HLCS: variants seen among roughly 807,000 people sequenced by gnomAD.
The protein encoded by HLCS is biotin--protein ligase.
In HLCS, 53 loss-of-function variants were observed where a neutral mutation model predicts 75.0. That is an observed-to-expected ratio of 0.71 (90% CI 0.57 to 0.89). The LOEUF (loss-of-function observed/expected upper bound fraction) is 0.89. HLCS is among the 40% of genes least tolerant of loss of function. The pLI is 0.00. For synonymous variants in HLCS, 431 were observed against 428.6 expected (o/e 1.01, Z -0.07); for missense variants, 966 against 1,074.0 (o/e 0.90, Z 1.41).
chr21:36,820,469 C>T (rs1353187459), intron 6 of HLCS, among the ~76,000 whole-genome samples: 4 of 152,266 alleles, frequency 2.6e-5, no homozygotes, highest in Non-Finnish European at 5.9e-5. Flanking sequence ...AGGGCCTGTC[C>T]CTGCTCCCGG....
intron 2 of HLCS, among the ~76,000 whole-genome samples, chr21:36,959,639 C>G (rs890287861): frequency 6.6e-6 from 1 of 152,150 alleles, no homozygotes; most frequent in Non-Finnish European, 1.5e-5. Flanking sequence ...GACCAATCAG[C>G]ACGCGCTTCC....
chr21:36,912,142 C>T (rs909674336), intron 5 of HLCS, among the ~76,000 whole-genome samples: 1 of 151,700 alleles, frequency 6.6e-6, no homozygotes, highest in African/African-American at 2.4e-5. Flanking sequence ...GGTATAAACC[C>T]AAAAGAACTG....
In HLCS at chr21:36,754,090, C is replaced by G; in HGVS notation, c.*156G>C. The G allele has an allele frequency of 4.7e-6, 4 of 854,454 alleles. No homozygotes were observed. Among genetic ancestry groups the G allele is most frequent in the Non-Finnish European group, 7.2e-6 (4 of 552,232 alleles). 52.9% of individuals were successfully genotyped at this position (854,454 alleles called of 1,614,324 possible). A position where few individuals can be genotyped will look rare whatever the true frequency, so the allele number is the denominator to read the frequency against. ...GAGCCTCTTCAAACACCAAAGAAAA[C>G]GACAACAAAACAAACCTAAAAACAA... On this transcript the variant is annotated 3_prime_UTR_variant, in exon 11 of 11. Coordinates refer to ENST00000674895, the MANE Select transcript of HLCS (RefSeq NM_001352514.2).
rs934507624 is a variant in HLCS at position 36,989,049 on chromosome 21, T to TA, written c.-393+1108_-393+1109insT. Among the ~76,000 whole-genome samples, 1,017 of 150,022 alleles carry TA rather than the reference T, an allele frequency of 6.8e-3. 12 individuals carry two copies. Among genetic ancestry groups the TA allele is most frequent in the African/African-American group, 0.024 (990 of 40,984 alleles). On this transcript the variant is annotated intron_variant, in intron 1 of 11. Transcript: ENST00000336648. Reference sequence around the variant, plus strand: ...TATTTTATTTATTTATTTATTTATTTTTTTTGAGACAGGGTCTCACTCCCT... The same window carrying TA: ...TATTTTATTTATTTATTTATTTATTTATTTTTGAGACAGGGTCTCACTCCCT...
At chr21:36,964,311 A>G (rs926409553) in intron 1 of HLCS, among the ~76,000 whole-genome samples, 3 of 152,266 alleles carry the variant, frequency 2.0e-5, no homozygotes, top group Non-Finnish European at 4.4e-5. Context: ...GCAGACTGAG[A>G]TATCCACCAA....
At position 36,888,672 on chromosome 21, in the gene HLCS, C is replaced by T. The variant is rs958465103; in HGVS notation, c.1892+8188G>A. 3.3e-5 allele frequency among the ~76,000 whole-genome samples: 5 copies of T among 151,380 alleles called. No homozygotes were observed. In the East Asian group the frequency reaches 9.8e-4, roughly 30 times the overall value. On this transcript the variant is annotated intron_variant, in intron 6 of 10. Transcript: ENST00000674895. ...GATAAAAGGCTGGTTGGTGGAGGCTCTGGCGTGGGCGCATCACCAGGTCAA... is the reference window on the plus strand; with the variant it reads ...GATAAAAGGCTGGTTGGTGGAGGCTTTGGCGTGGGCGCATCACCAGGTCAA...
chr21:36,978,816 C>T (rs927816089), intron 1 of HLCS, among the ~76,000 whole-genome samples: 1 of 152,210 alleles, frequency 6.6e-6, no homozygotes, highest in Admixed American at 6.5e-5. Context: ...GAACTCCAGA[C>T]ACTGCGGCAA....
rs1347841582 is a variant in HLCS, at chr21:36,843,674, CAA to C, written c.1892+53184_1892+53185del. Among the ~76,000 whole-genome samples, 5 of 152,120 alleles carry C rather than the reference CAA, an allele frequency of 3.3e-5. No individual in the cohort carries two copies. In the East Asian group the frequency reaches 9.6e-4, roughly 29 times the overall value. ...TTAAAATATAAAGCATGCTGGAAAA[CAA>C]AAGTTTCTGAAATTCTGTACATTCA... On this transcript the variant is annotated intron_variant, in intron 6 of 10. Coordinates refer to ENST00000674895, the MANE Select transcript of HLCS (RefSeq NM_001352514.2).
At chr21:36,813,010 G>A (rs948799749) in intron 6 of HLCS, among the ~76,000 whole-genome samples, 1 of 152,176 alleles carries the variant, frequency 6.6e-6, no homozygotes, top group African/African-American at 2.4e-5. Flanking sequence ...AGTGAGCTGT[G>A]ATCATGCCAC....
In HLCS at chr21:36,962,090, C is replaced by T. The variant is rs761132003; in HGVS notation, c.276G>A (p.Thr92=). The change falls in exon 2 of 11, where the codon ACG becomes ACA. Residue 92 remains threonine (T), a synonymous_variant. Transcript: ENST00000674895. ...ILEAEHIAFV[T]ESIWVQSENL... ...TCTCACTTTGTACCCAAATGCTCTC[C>T]GTCACAAATGCTATGTGTTCTGCTT... The T allele has an allele frequency of 2.7e-5, 35 of 1,289,182 alleles. No homozygotes were observed. The highest frequency in any genetic ancestry group is 1.7e-4 in the South Asian group (14 of 81,000). The allele number at this position is 1,289,182 out of a possible 1,614,324, so 79.9% of individuals were successfully genotyped here. A position where few individuals can be genotyped will look rare whatever the true frequency, so the allele number is the denominator to read the frequency against.
chr21:36,832,054 C>T (rs1422260982), intron 6 of HLCS, among the ~76,000 whole-genome samples: 1 of 152,144 alleles, frequency 6.6e-6, no homozygotes, highest in African/African-American at 2.4e-5. Flanking sequence ...TTTCAGTTCC[C>T]TGAAGGATGT....
At chr21:36,773,938 C>T (rs188633641) in intron 6 of HLCS, among the ~76,000 whole-genome samples, 6 of 152,096 alleles carry the variant, frequency 3.9e-5, no homozygotes, top group South Asian at 2.1e-4. Context: ...AAAGTTAAAA[C>T]GCTAAAATAT....
intron 6 of HLCS, among the ~76,000 whole-genome samples, chr21:36,784,788 C>G (rs576473558): frequency 6.6e-6 from 1 of 152,196 alleles, no homozygotes; most frequent in Admixed American, 6.5e-5. Context: ...AAAGTAAATA[C>G]TACCAGCTTG....
chr21:36,779,244 A>G (rs2060454089), intron 6 of HLCS, among the ~76,000 whole-genome samples: 1 of 151,964 alleles, frequency 6.6e-6, no homozygotes, highest in Non-Finnish European at 1.5e-5. Context: ...TGCAGTTCAT[A>G]CCCCTGATGA....
At chr21:36,767,746 C>T (rs1601153782) in intron 6 of HLCS, among the ~76,000 whole-genome samples, 2 of 152,062 alleles carry the variant, frequency 1.3e-5, no homozygotes, top group East Asian at 3.9e-4. Context: ...TCTGATTATT[C>T]AGAAAACCAA....
At chr21:36,966,384 A>T in intron 1 of HLCS, 60 bp downstream of exon 1, 3 of 664,438 alleles carry the variant, frequency 4.5e-6, no homozygotes, top group Non-Finnish European at 5.6e-6. Flanking sequence ...GACGAGGCGC[A>T]GGGACGGGGG....
intron 6 of HLCS, among the ~76,000 whole-genome samples, chr21:36,849,324 A>C (rs2062904977): frequency 6.6e-6 from 1 of 152,256 alleles, no homozygotes; most frequent in African/African-American, 2.4e-5. Flanking sequence ...ATATATGTGC[A>C]TATACATATA....
chr21:36,764,789 G>T (rs571157969), intron 8 of HLCS, among the ~76,000 whole-genome samples: 1 of 152,354 alleles, frequency 6.6e-6, no homozygotes, highest in South Asian at 2.1e-4. Context: ...CTGAAAAACT[G>T]GGTAGAAAGG....
At chr21:36,879,930 A>G (rs1033396306) in intron 6 of HLCS, among the ~76,000 whole-genome samples, 4 of 151,634 alleles carry the variant, frequency 2.6e-5, no homozygotes, top group African/African-American at 9.7e-5. Flanking sequence ...AAAAAAAAAA[A>G]AGAGCTCAGT....
Sources: allele counts gnomAD v4.1 joint callset (sites outside exome capture counted in the v4.1 genomes callset), GRCh38; gene constraint gnomAD v4.1.1; transcripts MANE v1.5; gene names NCBI Gene and HGNC (gene_info 2026-07-23, HGNC 2026-07-21).